The following CSMD1 variants were observed in gnomAD, a reference collection of about 807,000 sequenced individuals.
CSMD1 encodes the protein CUB and sushi domain-containing protein 1.
A neutral mutation model predicts 417.5 loss-of-function variants in CSMD1; 213 were observed. The observed-to-expected ratio is 0.51, with a 90% CI of 0.46 to 0.57. The LOEUF (loss-of-function observed/expected upper bound fraction) is 0.57, where lower values mean the gene tolerates loss of function less well. CSMD1 is among the 20% of genes least tolerant of loss of function. The pLI, the probability that CSMD1 is intolerant of heterozygous loss-of-function variation, is 0.00. For missense variants in CSMD1, 6,923 were observed against 4,529.7 expected, an observed-to-expected ratio of 1.53 and a Z score of -15.17; for synonymous variants, 2,862 against 1,736.8, an observed-to-expected ratio of 1.65 and a Z score of -16.11.
At chr8:4,469,388 G>A (rs1800387737) in intron 2 of CSMD1, among the ~76,000 whole-genome samples, 1 of 152,150 alleles carries the variant, frequency 6.6e-6, no homozygotes, top group Admixed American at 6.5e-5. Flanking sequence ...CAAAACGGCT[G>A]GTGTCAGCAT....
At chr8:3,025,045 T>C (rs1809751639) in intron 51 of CSMD1, among the ~76,000 whole-genome samples, 2 of 150,044 alleles carry the variant, frequency 1.3e-5, no homozygotes, top group South Asian at 4.2e-4. Flanking sequence ...TCTGAAACCC[T>C]GTATTGTGTG....
rs143775643 is a variant in CSMD1 at position 4,670,037 on chromosome 8, C to T, written c.86-32479G>A. ...GAACAAATGAACTCAACCATCTGAA[C>T]CCTGCTAGGAGAAACTCTGTAGAAA... On this transcript the variant is annotated intron_variant, in intron 1 of 69. Transcript: ENST00000635120. 2.6e-3 allele frequency among the ~76,000 whole-genome samples: 395 copies of T among 152,274 alleles called. 3 individuals carry two copies. Among genetic ancestry groups the T allele is most frequent in the African/African-American group, 9.2e-3 (382 of 41,566 alleles).
chr8:3,037,940 C>G (rs902321171), intron 50 of CSMD1, among the ~76,000 whole-genome samples: 8 of 152,158 alleles, frequency 5.3e-5, no homozygotes, highest in African/African-American at 1.4e-4. Flanking sequence ...AATCACCAGA[C>G]TTTTCCTTAT....
intron 2 of CSMD1, among the ~76,000 whole-genome samples, chr8:4,597,336 G>A (rs185219479): frequency 2.0e-5 from 3 of 152,184 alleles, no homozygotes; most frequent in Non-Finnish European, 4.4e-5. Flanking sequence ...AAATAAGCAG[G>A]AGAGATGGCA....
intron 12 of CSMD1, among the ~76,000 whole-genome samples, chr8:3,425,903 A>G (rs1371464523): frequency 3.9e-5 from 6 of 152,174 alleles, no homozygotes; most frequent in Non-Finnish European, 7.3e-5. Flanking sequence ...TACCATCTCT[A>G]AAAGGTGAGT....
chr8:3,819,194 T>C (rs988473839), intron 5 of CSMD1, among the ~76,000 whole-genome samples: 1 of 152,006 alleles, frequency 6.6e-6, no homozygotes, highest in Admixed American at 6.6e-5. Context: ...AAACTCAATG[T>C]CTCCCAGGCT....
At chr8:4,429,682 CA>C (rs1797761042) in intron 2 of CSMD1, among the ~76,000 whole-genome samples, 1 of 152,038 alleles carries the variant, frequency 6.6e-6, no homozygotes, top group Non-Finnish European at 1.5e-5. Context: ...AGATGGACCC[CA>C]ATACCCCAAA....
intron 5 of CSMD1, among the ~76,000 whole-genome samples, chr8:3,756,240 C>G (rs1402096171): frequency 1.3e-5 from 2 of 151,656 alleles, no homozygotes; most frequent in Non-Finnish European, 2.9e-5. Flanking sequence ...GTAGTCCCAG[C>G]TACTCGGGAG....
chr8:3,832,019 C>G (rs942848516), intron 5 of CSMD1, among the ~76,000 whole-genome samples: 4 of 152,166 alleles, frequency 2.6e-5, no homozygotes, highest in African/African-American at 9.7e-5. Context: ...TTAAAAATCT[C>G]TGTCCTTCTC....
chr8:3,683,907 A>T (rs1226681361), intron 7 of CSMD1, among the ~76,000 whole-genome samples: 1 of 152,010 alleles, frequency 6.6e-6, no homozygotes, highest in Non-Finnish European at 1.5e-5. Context: ...TGATTTCAAA[A>T]AATGACTGTT....
chr8:3,831,191 G>C (rs577836301), intron 5 of CSMD1, among the ~76,000 whole-genome samples: 1 of 152,236 alleles, frequency 6.6e-6, no homozygotes, highest in Non-Finnish European at 1.5e-5. Context: ...TTGATGAGTG[G>C]ATAGATTTTT....
intron 18 of CSMD1, among the ~76,000 whole-genome samples, chr8:3,380,810 C>A (rs1810582397): frequency 1.3e-5 from 2 of 151,612 alleles, no homozygotes; most frequent in Non-Finnish European, 1.5e-5. Flanking sequence ...TTGTTGGGTG[C>A]AGCAAAACAC....
rs556895127 is a variant in CSMD1, at chr8:4,041,483, G to A, written c.416-9384C>T. On this transcript the variant is annotated intron_variant, in intron 3 of 69. Transcript: ENST00000635120. ...TAAAAAGTAGTGTAAGGATCAAACT[G>A]TTCCACAAATAGTCAACCAAACCCC... 1.6e-4 allele frequency among the ~76,000 whole-genome samples: 24 copies of A among 152,232 alleles called. No individual in the cohort carries two copies. The South Asian group carries it at 4.8e-3, about 30-fold the overall frequency.
chr8:4,104,978 G>C (rs569613340), intron 3 of CSMD1, among the ~76,000 whole-genome samples: 2 of 141,928 alleles, frequency 1.4e-5, no homozygotes, highest in East Asian at 2.0e-4. Flanking sequence ...GATCATAATA[G>C]AACAGTTTCA....
chr8:3,647,748 C>T (rs1797649241), intron 7 of CSMD1, among the ~76,000 whole-genome samples: 1 of 152,168 alleles, frequency 6.6e-6, no homozygotes, highest in East Asian at 1.9e-4. Context: ...GAGGGAGACA[C>T]AGAGAGTGAG....
chr8:3,889,209 G>C (rs1806776100), intron 5 of CSMD1, among the ~76,000 whole-genome samples: 1 of 151,672 alleles, frequency 6.6e-6, no homozygotes, highest in South Asian at 2.1e-4. Context: ...CTTAGCAGCA[G>C]CAATAATAAT....
At chr8:4,118,726 G>A (rs1802305290) in intron 3 of CSMD1, among the ~76,000 whole-genome samples, 1 of 152,150 alleles carries the variant, frequency 6.6e-6, no homozygotes, top group Non-Finnish European at 1.5e-5. Context: ...ATTTGACCCA[G>A]CAATCCCATT....
chr8:3,667,098 C>G (rs1054030276), intron 7 of CSMD1, among the ~76,000 whole-genome samples: 3 of 152,204 alleles, frequency 2.0e-5, no homozygotes, highest in African/African-American at 7.2e-5. Context: ...ACAAGCAAGG[C>G]AATCTTGTAG....
At chr8:3,610,676 T>C (rs1801847742) in intron 8 of CSMD1, among the ~76,000 whole-genome samples, 1 of 152,162 alleles carries the variant, frequency 6.6e-6, no homozygotes, top group Non-Finnish European at 1.5e-5. Flanking sequence ...ATAGCAAATA[T>C]CTTACTATAA....
Sources: allele counts gnomAD v4.1 joint callset (sites outside exome capture counted in the v4.1 genomes callset), GRCh38; gene constraint gnomAD v4.1.1; transcripts MANE v1.5; gene names NCBI Gene and HGNC (gene_info 2026-07-23, HGNC 2026-07-21).